PKD2L2: variants seen among roughly 807,000 people sequenced by gnomAD.
PKD2L2 encodes the protein polycystin-2-like protein 2.
PKD2L2 carries 67 observed loss-of-function variants against 83.9 expected under a neutral mutation model. That is an observed-to-expected ratio of 0.80 (90% CI 0.66 to 0.98). The LOEUF (loss-of-function observed/expected upper bound fraction) is 0.98. Among genes scored for constraint, PKD2L2 ranks in the 50% least tolerant of loss-of-function variants. PKD2L2 has a pLI of 0.00. For synonymous variants in PKD2L2, 223 were observed against 237.8 expected (o/e 0.94, Z 0.57); for missense variants, 632 against 717.2 (o/e 0.88, Z 1.36).
chr5:137,924,912 T>C, intron 10 of PKD2L2, 128 bp from the exon 11 acceptor site: 1 of 640,200 alleles, frequency 1.6e-6, no homozygotes. Context: ...TCATAGCATT[T>C]ACCTCCACAG....
At chr5:137,893,141 T>C (rs1756139486) in intron 3 of PKD2L2, among the ~76,000 whole-genome samples, 1 of 152,186 alleles carries the variant, frequency 6.6e-6, no homozygotes, top group African/African-American at 2.4e-5. Context: ...GCATCTACTA[T>C]GTGAGGGTTA....
chr5:137,940,417 A>G (rs940409799), intron 14 of PKD2L2: 3 of 1,034,088 alleles, frequency 2.9e-6, no homozygotes, highest in African/African-American at 3.2e-5. Context: ...AAGTTGTCTT[A>G]ATATGAGACA....
intron 8 of PKD2L2, among the ~76,000 whole-genome samples, chr5:137,911,933 T>C (rs1351364786): frequency 6.6e-6 from 1 of 152,224 alleles, no homozygotes; most frequent in Non-Finnish European, 1.5e-5. Context: ...CTTGCTTATT[T>C]CACTTAATAT....
At chr5:137,930,822 G>A (rs1028867063) in intron 12 of PKD2L2, among the ~76,000 whole-genome samples, 3 of 151,338 alleles carry the variant, frequency 2.0e-5, no homozygotes, top group East Asian at 1.9e-4. Flanking sequence ...GTAAAGAAGT[G>A]AATGTTAGAA....
intron 8 of PKD2L2, among the ~76,000 whole-genome samples, chr5:137,910,231 CAATAAT>C (rs67797320): frequency 0.13 from 18,229 of 138,758 alleles, 1,249 homozygotes; most frequent in African/African-American, 0.17. Flanking sequence ...ATCTCTAAAA[CAATAAT>C]AATAATAATA....
At chr5:137,898,450 A>G (rs1056654964) in intron 4 of PKD2L2, among the ~76,000 whole-genome samples, 13 of 152,326 alleles carry the variant, frequency 8.5e-5, no homozygotes, top group Middle Eastern at 3.4e-3. Flanking sequence ...GTTTTGTCCT[A>G]CTCAAAAACT....
At chr5:137,927,884 G>T (rs943371734) in intron 12 of PKD2L2, among the ~76,000 whole-genome samples, 1 of 152,106 alleles carries the variant, frequency 6.6e-6, no homozygotes, top group Admixed American at 6.5e-5. Context: ...AAAAAATCAG[G>T]CCGGGTGCGG....
chr5:137,895,695 T>C lies in PKD2L2; in HGVS notation c.524+1086T>C, dbSNP rs1447949178. On this transcript the variant is annotated intron_variant, in intron 4 of 14. Coordinates refer to ENST00000508883, the MANE Select transcript of PKD2L2 (RefSeq NM_001300921.2). The stretch of plus-strand genomic sequence containing the variant: ...GAGTTTGAGACAAGACTGGCCAACA[T>C]GGTGAAACCCCATCTCTACTAAAAA... Among the ~76,000 whole-genome samples the C allele has an allele frequency of 3.3e-5, 5 of 151,952 alleles. No individual in the cohort carries two copies. The East Asian group carries it at 9.7e-4, about 29-fold the overall frequency.
In PKD2L2 at chr5:137,906,343, T is replaced by C; in HGVS notation, c.884T>C (p.Val295Ala). 1 of 1,608,322 alleles carries C rather than the reference T, an allele frequency of 6.2e-7. No homozygotes were observed. Among genetic ancestry groups the C allele is most frequent in the Non-Finnish European group, 8.5e-7 (1 of 1,174,948 alleles). The change falls in exon 6 of 15, where the codon GTC becomes GCC. Residue 295 changes from valine (V) to alanine (A), a missense_variant. Transcript: ENST00000508883. ...ATCACATTCTGTATTTTTCTTTTTGTCTTCACAACACAAGAAGTCAAAAAA... is the reference window on the plus strand; with the variant it reads ...ATCACATTCTGTATTTTTCTTTTTGCCTTCACAACACAAGAAGTCAAAAAA... ...CEITFCIFLF[V>A]FTTQEVKKIK... is the part of the protein sequence containing the mutation.
chr5:137,911,161 C>A (rs1008085014), intron 8 of PKD2L2, among the ~76,000 whole-genome samples: 2 of 152,138 alleles, frequency 1.3e-5, no homozygotes, highest in African/African-American at 2.4e-5. Context: ...CACCATTTTA[C>A]TTTTTGTCTC....
chr5:137,899,209 C>G (rs967309774), intron 4 of PKD2L2, among the ~76,000 whole-genome samples: 1 of 152,106 alleles, frequency 6.6e-6, no homozygotes, highest in Non-Finnish European at 1.5e-5. Flanking sequence ...CTCAACCTCC[C>G]GGGCCCAAAC....
rs747187186 is a variant in PKD2L2 at position 137,908,905 on chromosome 5, T to G, written c.1287T>G (p.Phe429Leu). Residue 429 changes from phenylalanine (F) to leucine (L), a missense_variant, in exon 8 of 15, where the codon TTT (phenylalanine) becomes TTG (leucine). Coordinates refer to ENST00000508883, the MANE Select transcript of PKD2L2 (RefSeq NM_001300921.2). ...ATGCCCAGTTAGGATTTCTTGTTTTTGGATCACAAGTTGATGACTTTTCCA... is the reference window on the plus strand; with the variant it reads ...ATGCCCAGTTAGGATTTCTTGTTTTGGGATCACAAGTTGATGACTTTTCCA... ...FAYAQLGFLV[F>L]GSQVDDFSTF... 1.9e-5 allele frequency: 31 copies of G among 1,609,874 alleles called. 1 individual carries two copies. The highest frequency in any genetic ancestry group is 1.3e-5 in the African/African-American group (1 of 74,864).
Position 137,921,306 on chromosome 5 carries a change from A to G in PKD2L2, c.1329-330A>G, listed in dbSNP as rs1020414654. ...AACCTGGAAGACAGAGGTTGCAGTG[A>G]GCCGAGATAGCACCACTGCACTCTA... On this transcript the variant is annotated intron_variant, in intron 8 of 14. Coordinates refer to ENST00000508883, the MANE Select transcript of PKD2L2 (RefSeq NM_001300921.2). Among the ~76,000 whole-genome samples, 5 of 151,312 alleles carry G rather than the reference A, an allele frequency of 3.3e-5. No individual in the cohort carries two copies. The East Asian group carries it at 9.7e-4, about 29-fold the overall frequency.
chr5:137,898,247 A>C (rs953100660), intron 4 of PKD2L2, among the ~76,000 whole-genome samples: 5 of 152,200 alleles, frequency 3.3e-5, no homozygotes, highest in Admixed American at 6.6e-5. Context: ...GATTACAGGC[A>C]TGAGCCATTG....
Position 137,899,663 on chromosome 5 carries a change from C to T in PKD2L2, c.672C>T (p.Ile224=). 2 of 1,613,234 alleles carry T rather than the reference C, an allele frequency of 1.2e-6. No homozygotes were observed. The highest frequency in any genetic ancestry group is 1.7e-6 in the Non-Finnish European group (2 of 1,179,206). ...TTGACCTTCGACTGAACAGCTGGATCACAAGAGGGACTAGAGTTATTTTTA... is the reference window on the plus strand; with the variant it reads ...TTGACCTTCGACTGAACAGCTGGATTACAAGAGGGACTAGAGTTATTTTTA... ...KFIDLRLNSW[I]TRGTRVIFID... The change falls in exon 5 of 15, where the codon ATC becomes ATT. Residue 224 remains isoleucine (I), a synonymous_variant. Coordinates refer to ENST00000508883, the MANE Select transcript of PKD2L2 (RefSeq NM_001300921.2).
chr5:137,930,102 C>T (rs1224211373), intron 12 of PKD2L2, among the ~76,000 whole-genome samples: 5 of 152,020 alleles, frequency 3.3e-5, no homozygotes, highest in South Asian at 2.1e-4. Flanking sequence ...GAAAAACAAA[C>T]GGATTAAAAA....
chr5:137,903,514 TAAAG>T (rs1757126510), intron 5 of PKD2L2, among the ~76,000 whole-genome samples: 1 of 152,178 alleles, frequency 6.6e-6, no homozygotes, highest in South Asian at 2.1e-4. Flanking sequence ...GGTAACTTAA[TAAAG>T]AAGCCATTCT....
In PKD2L2 at chr5:137,938,722, C is replaced by T. The variant is rs1459906491; in HGVS notation, c.*17+2295C>T. Reference sequence around the variant, plus strand: ...ACTAGAACTGCTATTTATTATCAAACTACTTCATGTGCTTACTATGTAATA... The same window carrying T: ...ACTAGAACTGCTATTTATTATCAAATTACTTCATGTGCTTACTATGTAATA... On this transcript the variant is annotated intron_variant, in intron 14 of 14. Transcript: ENST00000508883. The T allele has an allele frequency of 3.3e-5, 5 of 151,796 alleles. 1 individual carries two copies. Among genetic ancestry groups the T allele is most frequent in the Non-Finnish European group, 7.4e-5 (5 of 67,944 alleles). The allele number at this position is 151,796 out of a possible 1,614,324, so 9.4% of individuals were successfully genotyped here. A position where few individuals can be genotyped will look rare whatever the true frequency, so the allele number is the denominator to read the frequency against.
At chr5:137,932,566 C>T (rs775645191) in intron 12 of PKD2L2, among the ~76,000 whole-genome samples, 3 of 152,108 alleles carry the variant, frequency 2.0e-5, no homozygotes, top group Non-Finnish European at 4.4e-5. Flanking sequence ...GGTTACCACT[C>T]CTAGGGCTAA....
Sources: gnomAD v4.1 joint callset for allele counts (sites outside exome capture counted in the v4.1 genomes callset) on GRCh38, gnomAD v4.1.1 for gene constraint, MANE v1.5 for transcripts, NCBI Gene and HGNC (gene_info 2026-07-23, HGNC 2026-07-21) for gene names.